Variants in AUTS2 observed in about 807,000 individuals in gnomAD.
AUTS2 encodes the protein autism susceptibility gene 2 protein.
Under a neutral mutation model 112.4 loss-of-function variants are expected in AUTS2, and 17 were observed. That is an observed-to-expected ratio of 0.15 (90% CI 0.10 to 0.23). The LOEUF is 0.23. Among genes scored for constraint, AUTS2 ranks in the 10% least tolerant of loss-of-function variants. The pLI is 1.00. For missense variants in AUTS2, 1,510 were observed against 1,701.6 expected (o/e 0.89, Z 1.98); for synonymous variants, 751 against 702.7 (o/e 1.07, Z -1.09).
intron 1 of AUTS2, among the ~76,000 whole-genome samples, chr7:69,816,402 C>T (rs1002192593): frequency 9.9e-5 from 15 of 152,096 alleles, no homozygotes; most frequent in Non-Finnish European, 1.2e-4. Flanking sequence ...TTGTCTAGGA[C>T]GGAGCTGAAA....
At chr7:70,412,782 G>C (rs916334606) in intron 4 of AUTS2, among the ~76,000 whole-genome samples, 2 of 152,190 alleles carry the variant, frequency 1.3e-5, no homozygotes, top group Non-Finnish European at 2.9e-5. Flanking sequence ...CATGGGGTCA[G>C]GAGTTCAAGA....
intron 1 of AUTS2, among the ~76,000 whole-genome samples, chr7:69,789,379 T>A (rs185141658): frequency 6.6e-6 from 1 of 152,342 alleles, no homozygotes; most frequent in East Asian, 1.9e-4. Flanking sequence ...TAAGTGTGAA[T>A]CAGTGCGTTA....
At position 70,290,387 on chromosome 7, in the gene AUTS2, T is replaced by A. The variant is rs762203816; in HGVS notation, c.661-145365T>A. On this transcript the variant is annotated intron_variant, in intron 4 of 18. Transcript: ENST00000342771. ...TTTCAGAGATCAGGGAAGATGTGCC[T>A]TGGAGAGGAAGCATGTCTTAAATCT... The A allele has an allele frequency of 6.3e-5, 96 of 1,514,370 alleles. No homozygotes were observed. The highest frequency in any genetic ancestry group is 8.5e-5 in the African/African-American group (6 of 70,608). The allele number at this position is 1,514,370 out of a possible 1,614,324, so 93.8% of individuals were successfully genotyped here.
At chr7:70,771,044 A>G (rs1447434194) in intron 10 of AUTS2, among the ~76,000 whole-genome samples, 1 of 152,212 alleles carries the variant, frequency 6.6e-6, no homozygotes, top group East Asian at 1.9e-4. Flanking sequence ...GATTGTGAAT[A>G]TACTCTCATT....
intron 4 of AUTS2, among the ~76,000 whole-genome samples, chr7:70,154,326 T>C (rs2129576600): frequency 6.6e-6 from 1 of 152,298 alleles, no homozygotes; most frequent in South Asian, 2.1e-4. Flanking sequence ...GGAAAAATAA[T>C]TTTTTCCTTT....
At chr7:69,696,546 C>G (rs1034018004) in intron 1 of AUTS2, among the ~76,000 whole-genome samples, 10 of 152,210 alleles carry the variant, frequency 6.6e-5, no homozygotes, top group African/African-American at 2.2e-4. Context: ...CCTCTTATCT[C>G]GATCTGCTCT....
intron 5 of AUTS2, among the ~76,000 whole-genome samples, chr7:70,454,529 C>T (rs1466040694): frequency 6.6e-6 from 1 of 151,842 alleles, no homozygotes; most frequent in African/African-American, 2.4e-5. Context: ...AAGAGTGAAA[C>T]AAAAAACTCC....
chr7:70,340,710 C>T (rs1344949287), intron 4 of AUTS2, among the ~76,000 whole-genome samples: 3 of 152,192 alleles, frequency 2.0e-5, no homozygotes, highest in Admixed American at 1.3e-4. Flanking sequence ...AACTTTTTAT[C>T]TTGGGAATAA....
chr7:70,660,723 T>G (rs17141963), intron 5 of AUTS2, among the ~76,000 whole-genome samples: 18,741 of 152,222 alleles, frequency 0.12, 1,774 homozygotes, highest in East Asian at 0.45. Context: ...TGTTGGTTTA[T>G]TCAACCCCAT....
intron 6 of AUTS2, among the ~76,000 whole-genome samples, chr7:70,719,258 C>T (rs925208484): frequency 4.6e-5 from 7 of 152,164 alleles, no homozygotes; most frequent in African/African-American, 1.7e-4. Context: ...GAGCTGTTAG[C>T]AGAGATTTCT....
intron 4 of AUTS2, among the ~76,000 whole-genome samples, chr7:70,353,593 T>G (rs1283674817): frequency 6.6e-6 from 1 of 152,144 alleles, no homozygotes; most frequent in Non-Finnish European, 1.5e-5. Flanking sequence ...TTTAGTTAAG[T>G]CCCCTGAAAG....
At chr7:69,925,771 T>C (rs1003984720) in intron 2 of AUTS2, among the ~76,000 whole-genome samples, 11 of 152,182 alleles carry the variant, frequency 7.2e-5, no homozygotes, top group African/African-American at 2.7e-4. Flanking sequence ...TTTCCCTCCT[T>C]GGCCTCCCAA....
chr7:70,521,132 C>T (rs1027586790), intron 5 of AUTS2, among the ~76,000 whole-genome samples: 1 of 152,162 alleles, frequency 6.6e-6, no homozygotes, highest in Admixed American at 6.5e-5. Flanking sequence ...ATGTACATCC[C>T]TGACCTTCAC....
chr7:69,703,315 C>A (rs1323802436), intron 1 of AUTS2, among the ~76,000 whole-genome samples: 2 of 152,070 alleles, frequency 1.3e-5, no homozygotes, highest in Non-Finnish European at 2.9e-5. Flanking sequence ...ACTTTATTGG[C>A]CTGATAAGTA....
chr7:70,448,176 C>G (rs1262790736), intron 5 of AUTS2, among the ~76,000 whole-genome samples: 2 of 152,144 alleles, frequency 1.3e-5, no homozygotes, highest in Non-Finnish European at 2.9e-5. Context: ...CGGAAATACC[C>G]CTTTTTACCT....
intron 4 of AUTS2, among the ~76,000 whole-genome samples, chr7:70,410,146 T>A (rs1354846453): frequency 1.3e-5 from 2 of 152,216 alleles, no homozygotes; most frequent in Non-Finnish European, 2.9e-5. Context: ...TTTTTGCCCA[T>A]CATCAGGTGG....
At chr7:70,231,063 T>G (rs1299555745) in intron 4 of AUTS2, among the ~76,000 whole-genome samples, 2 of 152,226 alleles carry the variant, frequency 1.3e-5, no homozygotes, top group Non-Finnish European at 2.9e-5. Flanking sequence ...GAAGAAACAC[T>G]TCTCAGTTTA....
chr7:70,316,506 C>T (rs552375304), intron 4 of AUTS2, among the ~76,000 whole-genome samples: 15 of 150,134 alleles, frequency 1.0e-4, no homozygotes, highest in South Asian at 6.3e-4. Context: ...CAGATTCAAG[C>T]GACTCTCCTG....
chr7:69,784,949 C>T (rs1013208634), intron 1 of AUTS2, among the ~76,000 whole-genome samples: 6 of 151,932 alleles, frequency 3.9e-5, no homozygotes, highest in African/African-American at 1.5e-4. Context: ...CTGTCGTGAA[C>T]CTTATACTCT....
Sources: allele counts gnomAD v4.1 joint callset (sites outside exome capture counted in the v4.1 genomes callset), GRCh38; gene constraint gnomAD v4.1.1; transcripts MANE v1.5; gene names NCBI Gene and HGNC (gene_info 2026-07-23, HGNC 2026-07-21).